The following IL1RL2 variants were observed in gnomAD, a reference collection of about 807,000 sequenced individuals.
IL1RL2 encodes interleukin-1 receptor-like 2.
Under a neutral mutation model 66.8 loss-of-function variants are expected in IL1RL2, and 68 were observed. The observed-to-expected ratio is 1.02, with a 90% confidence interval of 0.84 to 1.25. The LOEUF (loss-of-function observed/expected upper bound fraction) is 1.25. Among genes scored for constraint, IL1RL2 ranks in the 50% most tolerant of loss-of-function variants. The probability of loss-of-function intolerance (pLI) is 0.00; values close to 1 mark genes in which losing one functional copy is unlikely to be tolerated. For missense variants in IL1RL2, 729 were observed against 709.3 expected, an observed-to-expected ratio of 1.03 and a Z score of -0.32; for synonymous variants, 305 against 264.6, an observed-to-expected ratio of 1.15 and a Z score of -1.48.
At chr2:102,226,512 C>T (rs1690630768) in intron 9 of IL1RL2, among the ~76,000 whole-genome samples, 1 of 152,200 alleles carries the variant, frequency 6.6e-6, no homozygotes, top group African/African-American at 2.4e-5. Flanking sequence ...CTTCAACTCT[C>T]AGATATGGAG....
At chr2:102,235,364 T>A in intron 11 of IL1RL2, 87 bp downstream of exon 11, 1 of 1,538,180 alleles carries the variant, frequency 6.5e-7, no homozygotes, top group Non-Finnish European at 8.7e-7. Flanking sequence ...GGAGGACACG[T>A]TTCATCGGGG....
chr2:102,233,168 A>G, intron 10 of IL1RL2, 44 bp downstream of exon 10: 1 of 1,547,080 alleles, frequency 6.5e-7, no homozygotes, highest in Middle Eastern at 1.7e-4. Flanking sequence ...AAAAGAAGGA[A>G]AGCGACCCCT....
At chr2:102,237,600 C>G (rs567748157) in intron 11 of IL1RL2, among the ~76,000 whole-genome samples, 33 of 152,304 alleles carry the variant, frequency 2.2e-4, no homozygotes, top group African/African-American at 7.5e-4. Flanking sequence ...CTAGCGAATC[C>G]TCCATGAGGA....
At position 102,239,506 on chromosome 2, in the gene IL1RL2, G is replaced by A. The variant is rs754797848; in HGVS notation, c.*265G>A. On this transcript the variant is annotated 3_prime_UTR_variant, in exon 12 of 12. Coordinates refer to ENST00000264257, the MANE Select transcript of IL1RL2 (RefSeq NM_003854.4). ...TGGTCATGGAGGGTGAGGGCTGGTCGGGGGAGGCATCCCCAAGTCATGGTG... is the reference window on the plus strand; with the variant it reads ...TGGTCATGGAGGGTGAGGGCTGGTCAGGGGAGGCATCCCCAAGTCATGGTG... The A allele has an allele frequency of 7.1e-5, 28 of 393,828 alleles. No homozygotes were observed. Among genetic ancestry groups the A allele is most frequent in the African/African-American group, 2.7e-4 (13 of 48,482 alleles). 24.4% of individuals were successfully genotyped at this position (393,828 alleles called of 1,614,324 possible).
intron 4 of IL1RL2, among the ~76,000 whole-genome samples, chr2:102,198,263 A>G (rs112121089): frequency 7.0e-4 from 106 of 152,346 alleles, no homozygotes; most frequent in African/African-American, 2.4e-3. Context: ...ATTTTGAGAC[A>G]GAGGTTCTGG....
At chr2:102,204,946 C>G (rs1164140950) in intron 5 of IL1RL2, among the ~76,000 whole-genome samples, 3 of 151,718 alleles carry the variant, frequency 2.0e-5, no homozygotes, top group South Asian at 2.1e-4. Flanking sequence ...TCCTTCCTGT[C>G]TTCTTTTAGT....
At chr2:102,193,169 T>C (rs1269522005) in intron 4 of IL1RL2, among the ~76,000 whole-genome samples, 1 of 152,206 alleles carries the variant, frequency 6.6e-6, no homozygotes, top group African/African-American at 2.4e-5. Flanking sequence ...TTCTGTTATA[T>C]GTTTCATGTT....
chr2:102,209,157 A>G (rs1688947049), intron 5 of IL1RL2, among the ~76,000 whole-genome samples: 1 of 152,240 alleles, frequency 6.6e-6, no homozygotes, highest in African/African-American at 2.4e-5. Context: ...TGTTCAATAA[A>G]CATTTATTTA....
chr2:102,208,061 C>T (rs1164704087), intron 5 of IL1RL2, among the ~76,000 whole-genome samples: 1 of 152,334 alleles, frequency 6.6e-6, no homozygotes, highest in Admixed American at 6.5e-5. Context: ...GTCCTTTCTC[C>T]TCCAGCAACC....
At chr2:102,228,802 G>A (rs181503485) in intron 9 of IL1RL2, among the ~76,000 whole-genome samples, 164 of 152,352 alleles carry the variant, frequency 1.1e-3, no homozygotes, top group African/African-American at 3.9e-3. Context: ...GATCCACTGT[G>A]TGCCATTCAC....
intron 2 of IL1RL2, among the ~76,000 whole-genome samples, chr2:102,188,392 G>A (rs1220552789): frequency 2.6e-5 from 4 of 152,062 alleles, no homozygotes; most frequent in African/African-American, 7.2e-5. Context: ...AGACCATCCT[G>A]GCTAACACGG....
At chr2:102,195,641 C>CTG (rs1687686084) in intron 4 of IL1RL2, among the ~76,000 whole-genome samples, 2 of 31,640 alleles carry the variant, frequency 6.3e-5, no homozygotes, top group Non-Finnish European at 1.6e-4. Context: ...CTCTCTCTCT[C>CTG]TCTCTCTTTC....
At chr2:102,242,043 G>A (rs947249500), downstream of IL1RL2, among the ~76,000 whole-genome samples, 1 of 152,136 alleles carries the variant, frequency 6.6e-6, no homozygotes, top group African/African-American at 2.4e-5. Context: ...ACATAGAGCA[G>A]TTAAAAAAAT....
chr2:102,210,161 A>G (rs987070320), intron 5 of IL1RL2, among the ~76,000 whole-genome samples: 1 of 152,102 alleles, frequency 6.6e-6, no homozygotes, highest in Non-Finnish European at 1.5e-5. Flanking sequence ...TATGTGGATG[A>G]TGGAGTTGGG....
Position 102,239,451 on chromosome 2 carries a change from A to C in IL1RL2, c.*210A>C. The C allele has an allele frequency of 2.0e-6, 1 of 508,728 alleles. No individual in the cohort carries two copies. Among genetic ancestry groups the C allele is most frequent in the East Asian group, 3.4e-5 (1 of 29,002 alleles). The allele number at this position is 508,728 out of a possible 1,614,324, so 31.5% of individuals were successfully genotyped here. ...GAGAGCTGGGGCCATCCCCGTGGTCATGGAGGGTGAGAGCTGGGGGTTATC... is the reference window on the plus strand; with the variant it reads ...GAGAGCTGGGGCCATCCCCGTGGTCCTGGAGGGTGAGAGCTGGGGGTTATC... On this transcript the variant is annotated 3_prime_UTR_variant, in exon 12 of 12. Coordinates refer to ENST00000264257, the MANE Select transcript of IL1RL2 (RefSeq NM_003854.4).
At chr2:102,235,760 G>C in intron 11 of IL1RL2, 1 of 985,424 alleles carries the variant, frequency 1.0e-6, no homozygotes, top group Non-Finnish European at 1.2e-6. Flanking sequence ...AGGGCCCCAT[G>C]CTCAGGGGTC....
chr2:102,222,056 G>A (rs527297646), intron 8 of IL1RL2, among the ~76,000 whole-genome samples: 1 of 152,202 alleles, frequency 6.6e-6, no homozygotes, highest in Admixed American at 6.5e-5. Context: ...TTTTAGGAAA[G>A]TCGTTTCTTT....
Position 102,217,544 on chromosome 2 carries a change from A to C in IL1RL2, c.725-1409A>C, listed in dbSNP as rs72820164. Among the ~76,000 whole-genome samples the C allele has an allele frequency of 6.6e-3, 1,011 of 152,282 alleles. 11 individuals carry two copies. Among genetic ancestry groups the C allele is most frequent in the Non-Finnish European group, 0.01 (712 of 67,996 alleles). On this transcript the variant is annotated intron_variant, in intron 6 of 11. Transcript: ENST00000264257. ...TGACTTCAAAATATACTAAAAAGCT[A>C]TAGTAATCAAAACAGCATGATGTTA...
intron 11 of IL1RL2, among the ~76,000 whole-genome samples, chr2:102,237,295 C>T (rs1022995022): frequency 6.6e-6 from 1 of 152,218 alleles, no homozygotes; most frequent in East Asian, 1.9e-4. Flanking sequence ...TGACCACTCA[C>T]CCTTTGCGGT....
Sources: gnomAD v4.1 joint callset for allele counts (sites outside exome capture counted in the v4.1 genomes callset) on GRCh38, gnomAD v4.1.1 for gene constraint, MANE v1.5 for transcripts, NCBI Gene and HGNC (gene_info 2026-07-23, HGNC 2026-07-21) for gene names.